CBX5: variants seen among roughly 807,000 people sequenced by gnomAD.
The protein encoded by CBX5 is chromobox 5.
A neutral mutation model predicts 20.7 loss-of-function variants in CBX5; 7 were observed. The ratio of observed to expected loss-of-function variants is 0.34; its 90% CI spans 0.19 to 0.63. CBX5 has a LOEUF of 0.63. Among genes scored for constraint, CBX5 ranks in the 30% least tolerant of loss-of-function variants. The pLI is 0.75. For synonymous variants in CBX5, 78 were observed against 77.0 expected, an observed-to-expected ratio of 1.01 and a Z score of -0.07; for missense variants, 110 against 224.1, an observed-to-expected ratio of 0.49 and a Z score of 3.25.
intron 1 of CBX5, among the ~76,000 whole-genome samples, chr12:54,278,178 C>T (rs1159044246): frequency 1.3e-5 from 2 of 152,170 alleles, no homozygotes; most frequent in Admixed American, 6.6e-5. Context: ...AGGAATGTTG[C>T]TAAATATTTT....
chr12:54,243,533 C>T (rs1943701124), intron 4 of CBX5, among the ~76,000 whole-genome samples: 2 of 151,994 alleles, frequency 1.3e-5, no homozygotes, highest in Admixed American at 1.3e-4. Flanking sequence ...TGCACTCCAG[C>T]CTGGGTGACA....
intron 1 of CBX5, chr12:54,278,979 T>C (rs368285371): frequency 6.6e-6 from 1 of 152,244 alleles, no homozygotes; most frequent in Non-Finnish European, 1.5e-5. Context: ...TATGTGATTA[T>C]GACTAGAAAC....
intron 3 of CBX5, among the ~76,000 whole-genome samples, chr12:54,247,036 C>T (rs1029763384): frequency 2.0e-4 from 30 of 152,214 alleles, no homozygotes; most frequent in Middle Eastern, 3.4e-3. Flanking sequence ...TGACACATTT[C>T]ACAGTCACCT....
At chr12:54,262,799 G>C (rs1320757012) in intron 1 of CBX5, 1 of 152,408 alleles carries the variant, frequency 6.6e-6, no homozygotes, top group Non-Finnish European at 1.5e-5. Flanking sequence ...TAGGAGGAGG[G>C]AGCTTTCCAG....
intron 1 of CBX5, among the ~76,000 whole-genome samples, chr12:54,269,190 G>A (rs1239339955): frequency 6.6e-6 from 1 of 152,042 alleles, no homozygotes; most frequent in Non-Finnish European, 1.5e-5. Flanking sequence ...AACCCCCCAG[G>A]AGGCGGAGGT....
rs1172663554 is a variant in CBX5 at position 54,233,276 on chromosome 12, AAGGT to A, written c.*8475_*8478del. The A allele has an allele frequency of 6.6e-6, 1 of 152,214 alleles. No homozygotes were observed. The highest frequency in any genetic ancestry group is 1.5e-5 in the Non-Finnish European group (1 of 68,040). 9.4% of individuals were successfully genotyped at this position (152,214 alleles called of 1,614,324 possible). A position where few individuals can be genotyped will look rare whatever the true frequency, so the allele number is the denominator to read the frequency against. ...AGAGATGTAACTCTTTAACAAAAAA[AAGGT>A]AGAAGAAAAAACAGTTATGTCTTTT... is the stretch of plus-strand genomic sequence containing the variant. On this transcript the variant is annotated 3_prime_UTR_variant, in exon 5 of 5. Coordinates refer to ENST00000209875, the MANE Select transcript of CBX5 (RefSeq NM_012117.3).
At chr12:54,257,193 A>G (rs1943869412) in intron 2 of CBX5, among the ~76,000 whole-genome samples, 1 of 152,130 alleles carries the variant, frequency 6.6e-6, no homozygotes, top group Non-Finnish European at 1.5e-5. Flanking sequence ...TTCACTGAGG[A>G]GATAAAATGA....
chr12:54,259,320 A>G (rs1250206631), intron 1 of CBX5: 1 of 152,054 alleles, frequency 6.6e-6, no homozygotes, highest in East Asian at 1.9e-4. Flanking sequence ...TGGGGTTAAA[A>G]CCAGCCCCAT....
Position 54,236,466 on chromosome 12 carries a change from G to A in CBX5, c.*5289C>T. 6.6e-6 allele frequency: 1 copy of A among 152,150 alleles called. No homozygotes were observed. The highest frequency in any genetic ancestry group is 1.9e-4 in the East Asian group (1 of 5,206). The allele number at this position is 152,150 out of a possible 1,614,324, so 9.4% of individuals were successfully genotyped here. ...TGAGGGGGCATCTAATTCAGAACAT[G>A]TTTTTGGGTGTAAGGCTAGTATCAT... On this transcript the variant is annotated 3_prime_UTR_variant, in exon 5 of 5. Coordinates refer to ENST00000209875, the MANE Select transcript of CBX5 (RefSeq NM_012117.3).
At chr12:54,265,125 C>G in intron 1 of CBX5, among the ~76,000 whole-genome samples, 1 of 152,148 alleles carries the variant, frequency 6.6e-6, no homozygotes, top group Non-Finnish European at 1.5e-5. Flanking sequence ...CAGACTTGCA[C>G]GATTCCCACT....
At chr12:54,277,882 C>A (rs988835239) in intron 1 of CBX5, among the ~76,000 whole-genome samples, 1 of 152,176 alleles carries the variant, frequency 6.6e-6, no homozygotes, top group Non-Finnish European at 1.5e-5. Flanking sequence ...GCTGCCCAGA[C>A]TGGAGTGCAG....
chr12:54,253,332 T>A (rs1455326570), intron 2 of CBX5, among the ~76,000 whole-genome samples: 2 of 152,042 alleles, frequency 1.3e-5, no homozygotes, highest in Admixed American at 6.6e-5. Flanking sequence ...TGAGAACTGC[T>A]TGAATCTGGG....
intron 2 of CBX5, among the ~76,000 whole-genome samples, chr12:54,254,818 A>G (rs974682584): frequency 1.3e-5 from 2 of 152,124 alleles, no homozygotes; most frequent in Non-Finnish European, 2.9e-5. Flanking sequence ...ACGCCATTGC[A>G]CACCAGCCTG....
Position 54,237,375 on chromosome 12 carries a change from T to TGATAAACTAGAAAGCAATCATCAACTA in CBX5, c.*4353_*4379dup, listed in dbSNP as rs1943633925. The TGATAAACTAGAAAGCAATCATCAACTA allele has an allele frequency of 3.3e-5, 5 of 152,188 alleles. No individual in the cohort carries two copies. Among genetic ancestry groups the TGATAAACTAGAAAGCAATCATCAACTA allele is most frequent in the Non-Finnish European group, 5.9e-5 (4 of 68,038 alleles). 9.4% of individuals were successfully genotyped at this position (152,188 alleles called of 1,614,324 possible). On this transcript the variant is annotated 3_prime_UTR_variant, in exon 5 of 5. Transcript: ENST00000209875. Reference sequence around the variant, plus strand: ...ACAGAAAAGCAAATATAAATGCAGTTGATAAACTAGAAAGCAATCATCAAC... The same window carrying TGATAAACTAGAAAGCAATCATCAACTA: ...ACAGAAAAGCAAATATAAATGCAGTTGATAAACTAGAAAGCAATCATCAACTAGATAAACTAGAAAGCAATCATCAAC...
chr12:54,252,374 G>T, intron 2 of CBX5, 147 bp from the exon 3 acceptor site: 5 of 406,144 alleles, frequency 1.2e-5, no homozygotes, highest in Non-Finnish European at 2.1e-5. Flanking sequence ...TTTGATCCTA[G>T]ATTTCTACCC....
At chr12:54,271,603 C>T (rs779377475) in intron 1 of CBX5, among the ~76,000 whole-genome samples, 52 of 152,218 alleles carry the variant, frequency 3.4e-4, no homozygotes, top group Non-Finnish European at 6.0e-4. Context: ...GGATTACAGG[C>T]GTGAGCCACT....
In CBX5 at chr12:54,240,590, A is replaced by G. The variant is rs1943666766; in HGVS notation, c.*1165T>C. On this transcript the variant is annotated 3_prime_UTR_variant, in exon 5 of 5. Transcript: ENST00000209875. ...TTTGAGGGTAGAAAAAGGGAAGAGC[A>G]TTAATATTTTGGGGACTCTTGGTGG... The G allele has an allele frequency of 6.6e-6, 1 of 152,156 alleles. No homozygotes were observed. Among genetic ancestry groups the G allele is most frequent in the South Asian group, 2.1e-4 (1 of 4,826 alleles). 9.4% of individuals were successfully genotyped at this position (152,156 alleles called of 1,614,324 possible).
intron 2 of CBX5, among the ~76,000 whole-genome samples, chr12:54,254,282 G>T (rs547659139): frequency 1.4e-4 from 18 of 127,402 alleles, no homozygotes; most frequent in African/African-American, 4.2e-4. Flanking sequence ...GGTGAGCTGA[G>T]TTCGAGCTAT....
chr12:54,265,398 T>A (rs1188270982), intron 1 of CBX5, among the ~76,000 whole-genome samples: 2 of 152,274 alleles, frequency 1.3e-5, no homozygotes, highest in Non-Finnish European at 2.9e-5. Flanking sequence ...AGTGGATTTA[T>A]GATTTCCAAA....
Sources: allele counts gnomAD v4.1 joint callset (sites outside exome capture counted in the v4.1 genomes callset), GRCh38; gene constraint gnomAD v4.1.1; transcripts MANE v1.5; gene names NCBI Gene and HGNC (gene_info 2026-07-23, HGNC 2026-07-21).